The following CNGA3 variants were observed in gnomAD, a reference collection of about 807,000 sequenced individuals.
CNGA3 encodes the protein cyclic nucleotide gated channel subunit alpha 3, also known as cyclic nucleotide-gated channel alpha-3.
In CNGA3, 42 loss-of-function variants were observed where a neutral mutation model predicts 46.6. The ratio of observed to expected loss-of-function variants is 0.90; its 90% confidence interval spans 0.70 to 1.17. The LOEUF (loss-of-function observed/expected upper bound fraction) is 1.17. CNGA3 is among the 50% of genes most tolerant of loss of function. The pLI is 0.00. For synonymous variants in CNGA3, 394 were observed against 369.4 expected, an observed-to-expected ratio of 1.07 and a Z score of -0.76; for missense variants, 893 against 890.7, an observed-to-expected ratio of 1.00 and a Z score of -0.03.
At position 98,392,819 on chromosome 2, in the gene CNGA3, C is replaced by T. The variant is rs151025826; in HGVS notation, c.673+849C>T. On this transcript the variant is annotated intron_variant, in intron 7 of 7. Coordinates refer to ENST00000272602, the MANE Select transcript of CNGA3 (RefSeq NM_001298.3). ...ATAGGGCCCAGGTGAATGAGGACTT[C>T]CTTCGAATCATCTGTGGTTGGGGAT... Among the ~76,000 whole-genome samples the T allele has an allele frequency of 3.9e-3, 591 of 152,278 alleles. 2 individuals carry two copies. The highest frequency in any genetic ancestry group is 0.02 in the Middle Eastern group (6 of 294).
At chr2:98,353,314 T>C (rs1172175585) in intron 1 of CNGA3, among the ~76,000 whole-genome samples, 2 of 152,198 alleles carry the variant, frequency 1.3e-5, no homozygotes, top group African/African-American at 4.8e-5. Context: ...TAACATTTTA[T>C]AGTTCTTTTT....
chr2:98,360,483 T>C (rs984626036), intron 1 of CNGA3, among the ~76,000 whole-genome samples: 2 of 152,210 alleles, frequency 1.3e-5, no homozygotes, highest in African/African-American at 2.4e-5. Context: ...CCAAACTTCT[T>C]TGAGACTTGC....
At chr2:98,390,160 G>A (rs2104231021) in intron 6 of CNGA3, among the ~76,000 whole-genome samples, 1 of 151,338 alleles carries the variant, frequency 6.6e-6, no homozygotes, top group South Asian at 2.1e-4. Context: ...TTTTGAGACA[G>A]AGTCTCACTC....
Position 98,383,317 on chromosome 2 carries a change from C to T in CNGA3, c.396-71C>T, listed in dbSNP as rs1001829460. On this transcript the variant is annotated intron_variant, in intron 4 of 7. Transcript: ENST00000272602. ...GGATTGGGGGGTGGGGCATGGTAAT[C>T]CCCTGGTGAAATGGCCCCAAGGAAT... 5 of 1,414,068 alleles carry T rather than the reference C, an allele frequency of 3.5e-6. No homozygotes were observed. In the Admixed American group the frequency reaches 8.4e-5, roughly 24 times the overall value. The allele number at this position is 1,414,068 out of a possible 1,614,324, so 87.6% of individuals were successfully genotyped here. A position where few individuals can be genotyped will look rare whatever the true frequency, so the allele number is the denominator to read the frequency against.
At chr2:98,353,353 T>C (rs1691810148) in intron 1 of CNGA3, among the ~76,000 whole-genome samples, 2 of 152,180 alleles carry the variant, frequency 1.3e-5, no homozygotes, top group African/African-American at 4.8e-5. Flanking sequence ...CTGTAATAAT[T>C]TTTATTTCCT....
chr2:98,395,796 A>C lies in CNGA3; in HGVS notation c.674-48A>C, dbSNP rs10184555. ...ATATGTTTCTTTGTACTATGGTCAA[A>C]AAAAGTCAGCCTCTGTGATGCCCAA... On this transcript the variant is annotated intron_variant, in intron 7 of 7. Coordinates refer to ENST00000272602, the MANE Select transcript of CNGA3 (RefSeq NM_001298.3). 6.3e-3 allele frequency: 9,773 copies of C among 1,559,828 alleles called. 572 individuals carry two copies. The African/African-American group carries it at 0.12, about 19-fold the overall frequency.
At chr2:98,385,826 G>GTCTCAAAC (rs1692642181) in intron 5 of CNGA3, among the ~76,000 whole-genome samples, 1 of 152,152 alleles carries the variant, frequency 6.6e-6, no homozygotes, top group Non-Finnish European at 1.5e-5. Flanking sequence ...AAGGCAAAGG[G>GTCTCAAAC]GGAGCAAGGA....
intron 1 of CNGA3, among the ~76,000 whole-genome samples, chr2:98,367,486 G>A (rs1023828544): frequency 6.6e-6 from 1 of 152,066 alleles, no homozygotes; most frequent in South Asian, 2.1e-4. Context: ...GAGCTACCCC[G>A]CCCGGCTGAC....
chr2:98,349,851 G>C (rs1453409627), intron 1 of CNGA3, among the ~76,000 whole-genome samples: 1 of 152,218 alleles, frequency 6.6e-6, no homozygotes, highest in East Asian at 1.9e-4. Context: ...AGAGGGAGGA[G>C]TGAAAGCTCA....
chr2:98,354,546 A>G (rs1010562016), intron 1 of CNGA3, among the ~76,000 whole-genome samples: 1 of 152,152 alleles, frequency 6.6e-6, no homozygotes, highest in Non-Finnish European at 1.5e-5. Flanking sequence ...GCACTTTGGG[A>G]GGCTGAAGCA....
chr2:98,378,199 G>A (rs1692455009), intron 3 of CNGA3: 1 of 1,550,130 alleles, frequency 6.5e-7, no homozygotes. Context: ...GGTCTCCCGG[G>A]TGCTCGTCTG....
chr2:98,378,133 G>A lies in CNGA3; in HGVS notation c.215+333G>A, dbSNP rs1275356226. 4.5e-6 allele frequency: 7 copies of A among 1,550,844 alleles called. No homozygotes were observed. In the Admixed American group the frequency reaches 1.2e-4, roughly 26 times the overall value. ...CCAGCCGTGGGAGACCTTTGATTGG[G>A]TGGACACAGTGGTGTGCTGAGGATG... On this transcript the variant is annotated intron_variant, in intron 3 of 7. Coordinates refer to ENST00000272602, the MANE Select transcript of CNGA3 (RefSeq NM_001298.3).
Position 98,377,730 on chromosome 2 carries a change from G to T in CNGA3, c.145G>T (p.Gly49Trp), listed in dbSNP as rs142681231. Residue 49 changes from glycine to tryptophan, a missense_variant, in exon 3 of 8, where the codon GGG becomes TGG. By Grantham distance (184) the Gly-to-Trp change is radical (BLOSUM62 -2). Around this residue, in one of 3 missense-constraint regions of CNGA3, gnomAD observed 333 missense variants for 290.8 expected, o/e 1.15. Coordinates refer to ENST00000272602, the MANE Select transcript of CNGA3 (RefSeq NM_001298.3). ...GGAGACATCGTCAGTGCTGCAGCCGGGGATCGCCATGGAGACCAGAGGACT... is the reference window on the plus strand; with the variant it reads ...GGAGACATCGTCAGTGCTGCAGCCGTGGATCGCCATGGAGACCAGAGGACT... Reference protein sequence around the residue: ...SEETSSVLQPGIAMETRGLAD... With the variant: ...SEETSSVLQPWIAMETRGLAD... The T allele has an allele frequency of 9.3e-6, 15 of 1,613,346 alleles. No individual in the cohort carries two copies. Among genetic ancestry groups the T allele is most frequent in the Non-Finnish European group, 1.3e-5 (15 of 1,180,038 alleles).
intron 1 of CNGA3, among the ~76,000 whole-genome samples, chr2:98,349,946 T>C (rs1177383658): frequency 2.0e-5 from 3 of 152,164 alleles, no homozygotes; most frequent in East Asian, 3.8e-4. Flanking sequence ...AAGAGCATGC[T>C]TGACAGTAGC....
chr2:98,391,065 A>G (rs1006463759), intron 6 of CNGA3, among the ~76,000 whole-genome samples: 3 of 152,028 alleles, frequency 2.0e-5, no homozygotes, highest in African/African-American at 7.3e-5. Context: ...CACTGCTCTG[A>G]GAGGCTAGTT....
At position 98,397,080 on chromosome 2, in the gene CNGA3, T is replaced by A. The variant is rs370004436; in HGVS notation, c.1910T>A (p.Leu637Gln). The change falls in exon 8 of 8, where the codon CTG (leucine) becomes CAG (glutamine). Residue 637 changes from leucine to glutamine, a missense_variant. Leu to Gln is a moderately radical substitution (Grantham distance 113). This residue lies in a region of CNGA3 where 548 missense variants were observed against 570.8 expected (regional missense o/e 0.96). Coordinates refer to ENST00000272602, the MANE Select transcript of CNGA3 (RefSeq NM_001298.3). ...EEKVEQLGSS[L>Q]DTLQTRFARL... Reference sequence around the variant, plus strand: ...AAAGTGGAGCAGCTGGGGTCCTCCCTGGACACCCTGCAGACCAGGTTTGCA... The same window carrying A: ...AAAGTGGAGCAGCTGGGGTCCTCCCAGGACACCCTGCAGACCAGGTTTGCA... 1 of 1,614,032 alleles carries A rather than the reference T, an allele frequency of 6.2e-7. No individual in the cohort carries two copies. The highest frequency in any genetic ancestry group is 1.3e-5 in the African/African-American group (1 of 74,930).
At chr2:98,372,841 G>A (rs10865016) in intron 2 of CNGA3, among the ~76,000 whole-genome samples, 32,393 of 151,916 alleles carry the variant, frequency 0.21, 3,760 homozygotes, top group East Asian at 0.35. Context: ...CGCATTTCCT[G>A]CCTGTGTCCA....
At chr2:98,358,255 C>CT (rs1691933757) in intron 1 of CNGA3, among the ~76,000 whole-genome samples, 1 of 152,226 alleles carries the variant, frequency 6.6e-6, no homozygotes, top group Non-Finnish European at 1.5e-5. Context: ...TTTATTCGGC[C>CT]TTTCCTATAG....
At chr2:98,361,272 C>T (rs916783865) in intron 1 of CNGA3, among the ~76,000 whole-genome samples, 1 of 152,162 alleles carries the variant, frequency 6.6e-6, no homozygotes, top group Non-Finnish European at 1.5e-5. Flanking sequence ...TAAGTGAGAA[C>T]ATGCAGTGTT....
Sources: gnomAD v4.1 joint callset for allele counts (sites outside exome capture counted in the v4.1 genomes callset) on GRCh38, gnomAD v4.1.1 for gene constraint, gnomAD v4.1.1 regional missense constraint, MANE v1.5 for transcripts, NCBI Gene and HGNC (gene_info 2026-07-23, HGNC 2026-07-21) for gene names.